The following TMEM51 variants were observed in gnomAD, a reference collection of about 807,000 sequenced individuals.
TMEM51 encodes transmembrane protein 51.
A neutral mutation model predicts 13.6 loss-of-function variants in TMEM51; 8 were observed. The ratio of observed to expected loss-of-function variants is 0.59; its 90% CI spans 0.35 to 1.07. TMEM51 has a LOEUF of 1.07. Ranked by LOEUF, TMEM51 falls within the 50% of genes least tolerant of loss-of-function variation. TMEM51 has a pLI of 0.02. For synonymous variants in TMEM51, 147 were observed against 144.4 expected (o/e 1.02, Z -0.13); for missense variants, 279 against 330.7 (o/e 0.84, Z 1.21).
At chr1:15,171,215 G>T (rs1318569282) in intron 1 of TMEM51, 1 of 1,303,720 alleles carries the variant, frequency 7.7e-7, no homozygotes, top group Admixed American at 2.3e-5. Flanking sequence ...GTTGATTTGG[G>T]GCCACGCCTG....
At chr1:15,154,736 G>A (rs2100800908) in intron 1 of TMEM51, among the ~76,000 whole-genome samples, 1 of 152,294 alleles carries the variant, frequency 6.6e-6, no homozygotes, top group South Asian at 2.1e-4. Context: ...GGGGGCGAGA[G>A]ACCTGGCCCC....
rs1251275064 is a variant in TMEM51, at chr1:15,207,576, TGG to T, written c.-266-2912_-266-2911del. Among the ~76,000 whole-genome samples the T allele has an allele frequency of 6.6e-6, 1 of 152,208 alleles. No individual in the cohort carries two copies. The highest frequency in any genetic ancestry group is 1.5e-5 in the Non-Finnish European group (1 of 68,034). On this transcript the variant is annotated intron_variant, in intron 1 of 3. Coordinates refer to ENST00000376008, the MANE Select transcript of TMEM51 (RefSeq NM_001136218.2). The surrounding 1 kb of genome is among the most constrained non-coding windows in gnomAD (Gnocchi z 4.6). ...TCTCAGCCACTCTGATGTCTGGAGC[TGG>T]GTCTACCTCCCTGGCCCCGACTCCT...
intron 2 of TMEM51, among the ~76,000 whole-genome samples, chr1:15,212,549 CCTG>C (rs1644358482): frequency 6.6e-6 from 1 of 152,220 alleles, no homozygotes; most frequent in South Asian, 2.1e-4. Context: ...TTTCATCACT[CCTG>C]CTTCCAGCAC....
chr1:15,160,296 CAG>C lies in TMEM51; in HGVS notation c.-267+6345_-267+6346del, dbSNP rs1642731695. Among the ~76,000 whole-genome samples, 3 of 152,158 alleles carry C rather than the reference CAG, an allele frequency of 2.0e-5. No individual in the cohort carries two copies. The South Asian group carries it at 6.2e-4, about 32-fold the overall frequency. ...TTTATTTTATTTATTTCTTTTGAGA[CAG>C]AGTGTCACTCTGTTGCCCAGGCTGG... On this transcript the variant is annotated intron_variant, in intron 1 of 3. Transcript: ENST00000376008.
chr1:15,171,634 A>G (rs1300028773), intron 1 of TMEM51, among the ~76,000 whole-genome samples: 3 of 152,180 alleles, frequency 2.0e-5, no homozygotes, highest in Non-Finnish European at 2.9e-5. Context: ...GATGACCTCT[A>G]AAGTGTAATG....
intron 1 of TMEM51, among the ~76,000 whole-genome samples, chr1:15,177,066 G>A (rs549775377): frequency 6.6e-6 from 1 of 152,312 alleles, no homozygotes; most frequent in South Asian, 2.1e-4. Context: ...GCAGCAGGGA[G>A]TAGTGGGGAT....
intron 1 of TMEM51, among the ~76,000 whole-genome samples, chr1:15,159,191 CAG>C (rs1376183733): frequency 6.6e-6 from 1 of 152,166 alleles, no homozygotes; most frequent in South Asian, 2.1e-4. Flanking sequence ...AAAAATAAAA[CAG>C]AAAGTTGGAA....
At chr1:15,208,764 C>T (rs1644292035) in intron 1 of TMEM51, among the ~76,000 whole-genome samples, 1 of 151,938 alleles carries the variant, frequency 6.6e-6, no homozygotes, top group Non-Finnish European at 1.5e-5. Context: ...GAAAGGAAAC[C>T]ACTGAGGGCT....
chr1:15,160,431 G>A (rs540245656), intron 1 of TMEM51, among the ~76,000 whole-genome samples: 4 of 152,036 alleles, frequency 2.6e-5, no homozygotes, highest in African/African-American at 2.4e-5. Flanking sequence ...ATGCCACCAC[G>A]CCCGGCCAAT....
intron 2 of TMEM51, among the ~76,000 whole-genome samples, chr1:15,212,334 G>A (rs1257682650): frequency 3.3e-5 from 5 of 152,070 alleles, no homozygotes; most frequent in Admixed American, 1.3e-4. Context: ...TATTAATCCC[G>A]ACATTTTAAT....
intron 1 of TMEM51, among the ~76,000 whole-genome samples, chr1:15,196,300 G>A (rs1334819568): frequency 6.6e-6 from 1 of 152,144 alleles, no homozygotes; most frequent in Non-Finnish European, 1.5e-5. Context: ...CAGTGACATC[G>A]TGTCAGTAGC....
In TMEM51 at chr1:15,220,023, A is replaced by G. The variant is rs1644493168; in HGVS notation, c.*280A>G. Reference sequence around the variant, plus strand: ...GCACAGGCATCTTCCCATCCTTTTCACTCCGAATCGCTGGCGACACATTCT... The same window carrying G: ...GCACAGGCATCTTCCCATCCTTTTCGCTCCGAATCGCTGGCGACACATTCT... On this transcript the variant is annotated 3_prime_UTR_variant, in exon 4 of 4. Coordinates refer to ENST00000376008, the MANE Select transcript of TMEM51 (RefSeq NM_001136218.2). 2.5e-6 allele frequency: 1 copy of G among 401,160 alleles called. No individual in the cohort carries two copies. The allele number at this position is 401,160 out of a possible 1,614,324, so 24.9% of individuals were successfully genotyped here. A position where few individuals can be genotyped will look rare whatever the true frequency, so the allele number is the denominator to read the frequency against.
intron 1 of TMEM51, among the ~76,000 whole-genome samples, chr1:15,163,638 TGTAATAATAGCAACAAAA>T (rs1292263944): frequency 4.0e-4 from 61 of 150,938 alleles, no homozygotes; most frequent in South Asian, 1.3e-3. Context: ...TGTTATTTTT[TGTAATAATAGCAACAAAA>T]TTAGAAAGCC....
intron 1 of TMEM51, among the ~76,000 whole-genome samples, chr1:15,160,640 T>C (rs1196896596): frequency 2.0e-5 from 3 of 152,076 alleles, no homozygotes; most frequent in Non-Finnish European, 4.4e-5. Context: ...AGGCCTCACA[T>C]ACAGCTTCCT....
At chr1:15,200,301 A>T (rs942059569) in intron 1 of TMEM51, among the ~76,000 whole-genome samples, 2 of 151,170 alleles carry the variant, frequency 1.3e-5, no homozygotes, top group African/African-American at 4.9e-5. Context: ...CCAGCTACTC[A>T]GAAGGCTAAG....
chr1:15,164,087 C>T (rs1323081327), intron 1 of TMEM51, among the ~76,000 whole-genome samples: 2 of 152,026 alleles, frequency 1.3e-5, no homozygotes, highest in Non-Finnish European at 2.9e-5. Context: ...ACCTCGGCCT[C>T]CCAAAGTGCT....
intron 1 of TMEM51, among the ~76,000 whole-genome samples, chr1:15,209,845 A>G (rs993817575): frequency 9.9e-5 from 15 of 152,218 alleles, no homozygotes; most frequent in Non-Finnish European, 2.1e-4. Context: ...AGCATGGCCA[A>G]CATGGTGAAA....
At chr1:15,209,009 G>A (rs576993566) in intron 1 of TMEM51, among the ~76,000 whole-genome samples, 5 of 151,980 alleles carry the variant, frequency 3.3e-5, no homozygotes, top group South Asian at 2.1e-4. Context: ...TTCACTGTTC[G>A]CCTCCCCAGT....
intron 1 of TMEM51, among the ~76,000 whole-genome samples, chr1:15,155,202 C>G (rs114766238): frequency 1.1e-3 from 169 of 152,290 alleles, no homozygotes; most frequent in African/African-American, 4.0e-3. Context: ...AGTGGTGAAC[C>G]TGCTCCTCAC....
Sources: allele counts gnomAD v4.1 joint callset (sites outside exome capture counted in the v4.1 genomes callset), GRCh38; gene constraint gnomAD v4.1.1; non-coding constraint Gnocchi (gnomAD v3.1); transcripts MANE v1.5; gene names NCBI Gene and HGNC (gene_info 2026-07-23, HGNC 2026-07-21).